Variants in KHDRBS3 observed in about 807,000 individuals in gnomAD.
The protein encoded by KHDRBS3 is KH RNA binding domain containing, signal transduction associated 3.
KHDRBS3 carries 23 observed loss-of-function variants against 45.6 expected under a neutral mutation model. The ratio of observed to expected loss-of-function variants is 0.50; its 90% CI spans 0.36 to 0.72. The LOEUF (loss-of-function observed/expected upper bound fraction) is 0.72, where lower values mean the gene tolerates loss of function less well. KHDRBS3 is among the 30% of genes least tolerant of loss of function. The pLI, the probability that KHDRBS3 is intolerant of heterozygous loss-of-function variation, is 0.00. For missense variants in KHDRBS3, 352 were observed against 424.8 expected (o/e 0.83, Z 1.51); for synonymous variants, 162 against 156.5 (o/e 1.04, Z -0.26).
chr8:135,541,813 G>A (rs1826062102), intron 2 of KHDRBS3: 1 of 152,128 alleles, frequency 6.6e-6, no homozygotes, highest in South Asian at 2.1e-4. Context: ...CAAGATGTAT[G>A]TATTGAGTGT....
chr8:135,572,662 A>G (rs1399552895), intron 5 of KHDRBS3, among the ~76,000 whole-genome samples: 1 of 152,228 alleles, frequency 6.6e-6, no homozygotes, highest in Admixed American at 6.5e-5. Context: ...GCCTAAAACA[A>G]GGTCCTCAGG....
intron 1 of KHDRBS3, among the ~76,000 whole-genome samples, chr8:135,494,348 G>A (rs867510329): frequency 1.5e-5 from 2 of 134,616 alleles, no homozygotes; most frequent in Non-Finnish European, 3.0e-5. Flanking sequence ...GCGTGATCTC[G>A]GCTCACTGCA....
chr8:135,615,127 CG>C (rs1161410597), intron 7 of KHDRBS3, among the ~76,000 whole-genome samples: 1 of 151,620 alleles, frequency 6.6e-6, no homozygotes, highest in African/African-American at 2.4e-5. Context: ...TCATGGGTGG[CG>C]TGTTCTTGCT....
intron 7 of KHDRBS3, among the ~76,000 whole-genome samples, chr8:135,643,378 C>T (rs56133055): frequency 0.2 from 30,835 of 152,050 alleles, 3,692 homozygotes; most frequent in Middle Eastern, 0.28. Flanking sequence ...ACGTGAGGGT[C>T]TCCTCCAGGC....
intron 1 of KHDRBS3, among the ~76,000 whole-genome samples, chr8:135,495,334 T>C (rs1284384697): frequency 1.3e-5 from 2 of 152,176 alleles, no homozygotes; most frequent in African/African-American, 2.4e-5. Flanking sequence ...TATCCAACTT[T>C]TTGTCATTAT....
intron 4 of KHDRBS3, among the ~76,000 whole-genome samples, chr8:135,554,280 G>C (rs888090222): frequency 1.3e-5 from 2 of 151,980 alleles, no homozygotes; most frequent in South Asian, 2.1e-4. Flanking sequence ...ATTTGTTTTT[G>C]AATAGGGCCT....
chr8:135,580,604 T>TC (rs1554633538), intron 5 of KHDRBS3, among the ~76,000 whole-genome samples: 1 of 61,794 alleles, frequency 1.6e-5, no homozygotes, highest in Non-Finnish European at 3.2e-5. Flanking sequence ...TCTCTCTCTC[T>TC]CTTTTTTTTT....
intron 4 of KHDRBS3, among the ~76,000 whole-genome samples, chr8:135,653,967 C>A (rs969140423): frequency 6.6e-6 from 1 of 152,144 alleles, no homozygotes; most frequent in Non-Finnish European, 1.5e-5. Flanking sequence ...AATATATACA[C>A]ACAATGGTGT....
intron 6 of KHDRBS3, among the ~76,000 whole-genome samples, chr8:135,606,545 C>G (rs1262941189): frequency 6.6e-6 from 1 of 152,114 alleles, no homozygotes; most frequent in Non-Finnish European, 1.5e-5. Flanking sequence ...CCAGCAGCAT[C>G]CAGACTCCTG....
At chr8:135,549,157 T>G in intron 4 of KHDRBS3, 1 of 279,994 alleles carries the variant, frequency 3.6e-6, no homozygotes, top group Non-Finnish European at 6.6e-6. Flanking sequence ...CATAGCACAA[T>G]CACTAGTTCA....
intron 1 of KHDRBS3, among the ~76,000 whole-genome samples, chr8:135,478,478 A>G (rs1289789103): frequency 6.6e-6 from 1 of 152,164 alleles, no homozygotes; most frequent in Non-Finnish European, 1.5e-5. Flanking sequence ...AGCCAACTAG[A>G]CTCAACAGAC....
chr8:135,488,783 G>A (rs1230697302), intron 1 of KHDRBS3, among the ~76,000 whole-genome samples: 1 of 152,162 alleles, frequency 6.6e-6, no homozygotes, highest in Non-Finnish European at 1.5e-5. Context: ...ATACAATATG[G>A]CATTGTAACT....
intron 7 of KHDRBS3, among the ~76,000 whole-genome samples, chr8:135,629,328 G>A (rs747539455): frequency 1.1e-4 from 16 of 152,220 alleles, no homozygotes; most frequent in Non-Finnish European, 1.6e-4. Context: ...TTGTGTAGGT[G>A]AACTCATTTA....
intron 1 of KHDRBS3, among the ~76,000 whole-genome samples, chr8:135,485,029 T>C (rs1001940380): frequency 6.6e-6 from 1 of 152,200 alleles, no homozygotes; most frequent in Non-Finnish European, 1.5e-5. Context: ...ACAGTGGCAC[T>C]GTATACAGTG....
chr8:135,581,394 G>A (rs1305067286), intron 5 of KHDRBS3, among the ~76,000 whole-genome samples: 3 of 152,098 alleles, frequency 2.0e-5, no homozygotes, highest in Admixed American at 2.0e-4. Context: ...ACATTATTCA[G>A]GAAAGTATAT....
At chr8:135,596,499 A>G (rs1338278766) in intron 6 of KHDRBS3, among the ~76,000 whole-genome samples, 1 of 152,190 alleles carries the variant, frequency 6.6e-6, no homozygotes, top group African/African-American at 2.4e-5. Flanking sequence ...GTTAACCTAG[A>G]CTTACTAATT....
chr8:135,525,151 C>T (rs1029890774), intron 2 of KHDRBS3, among the ~76,000 whole-genome samples: 4 of 152,204 alleles, frequency 2.6e-5, no homozygotes, highest in Admixed American at 6.5e-5. Flanking sequence ...CTGTTACTTT[C>T]GCGGAAGAAT....
At chr8:135,648,603 GTT>G (rs1253605268), downstream of KHDRBS3, 3 of 152,156 alleles carry the variant, frequency 2.0e-5, no homozygotes, top group Non-Finnish European at 2.9e-5. Context: ...ACAAAGGTAA[GTT>G]TGCCTTTTTG....
intron 1 of KHDRBS3, among the ~76,000 whole-genome samples, chr8:135,506,285 A>C (rs574048518): frequency 6.3e-4 from 96 of 152,254 alleles, no homozygotes; most frequent in Non-Finnish European, 1.2e-3. Flanking sequence ...ACACAGTTTT[A>C]CCTGTCAAGC....
Sources: gnomAD v4.1 joint callset for allele counts (sites outside exome capture counted in the v4.1 genomes callset) on GRCh38, gnomAD v4.1.1 for gene constraint, MANE v1.5 for transcripts, NCBI Gene and HGNC (gene_info 2026-07-23, HGNC 2026-07-21) for gene names.